The following PYGB variants were observed in gnomAD, a reference collection of about 807,000 sequenced individuals.
The protein encoded by PYGB is glycogen phosphorylase, brain form.
A neutral mutation model predicts 94.3 loss-of-function variants in PYGB; 82 were observed. That is an observed-to-expected ratio of 0.87 (90% CI 0.73 to 1.04). PYGB has a LOEUF of 1.04. Among genes scored for constraint, PYGB ranks in the 50% least tolerant of loss-of-function variants. PYGB has a pLI of 0.00. For synonymous variants in PYGB, 488 were observed against 479.1 expected (o/e 1.02, Z -0.24); for missense variants, 1,132 against 1,158.2 (o/e 0.98, Z 0.33).
chr20:25,274,961 C>T (rs1027523474), intron 5 of PYGB, among the ~76,000 whole-genome samples: 1 of 152,220 alleles, frequency 6.6e-6, no homozygotes, highest in Admixed American at 6.5e-5. Flanking sequence ...GGGGAAGCCC[C>T]GCTGGGCAGG....
rs144506519 is a variant in PYGB at position 25,248,182 on chromosome 20, G to A, written c.4G>A (p.Ala2Thr). ...TTCCTCCGCCTCCGCCGGCGCGATGGCGAAGCCGCTGACGGACAGCGAGAA... is the reference window on the plus strand; with the variant it reads ...TTCCTCCGCCTCCGCCGGCGCGATGACGAAGCCGCTGACGGACAGCGAGAA... The part of the protein sequence containing the change: M[A>T]KPLTDSEKRK... Residue 2 changes from alanine to threonine, a missense_variant, in exon 1 of 20, where the codon GCG becomes ACG. Coordinates refer to ENST00000216962, the MANE Select transcript of PYGB (RefSeq NM_002862.4). The A allele has an allele frequency of 1.3e-6, 2 of 1,590,998 alleles. No homozygotes were observed. Among genetic ancestry groups the A allele is most frequent in the African/African-American group, 1.4e-5 (1 of 72,992 alleles).
intron 10 of PYGB, 28 bp from the exon 11 acceptor site, chr20:25,280,921 C>CCCA (rs752532948): frequency 6.2e-7 from 1 of 1,610,540 alleles, no homozygotes; most frequent in East Asian, 2.2e-5. Flanking sequence ...CCTGTGCCCA[C>CCCA]CCACCTGCCT....
At position 25,290,926 on chromosome 20, in the gene PYGB, G is replaced by A. The variant is rs909954352; in HGVS notation, c.1969+304G>A. 3.9e-5 allele frequency among the ~76,000 whole-genome samples: 6 copies of A among 152,160 alleles called. No individual in the cohort carries two copies. The South Asian group carries it at 1.2e-3, about 32-fold the overall frequency. ...CCTCCCTCCCCTGCCCTCTCCTCCT[G>A]CCCCTCAGCCGTGCCTTCTGCCCTG... On this transcript the variant is annotated intron_variant, in intron 16 of 19. Transcript: ENST00000216962.
Position 25,290,468 on chromosome 20 carries a change from C to T in PYGB, c.1828-13C>T, listed in dbSNP as rs2088456286. On this transcript the variant is annotated splice_polypyrimidine_tract_variant and intron_variant, in intron 15 of 19. Coordinates refer to ENST00000216962, the MANE Select transcript of PYGB (RefSeq NM_002862.4). ...GCATTTTTGTGCTAAAAACCTTCAC[C>T]CTCTCCTTCCAGGCAGCGCCCGGTT... 2.5e-6 allele frequency: 4 copies of T among 1,600,796 alleles called. No homozygotes were observed. The highest frequency in any genetic ancestry group is 2.7e-5 in the African/African-American group (2 of 74,738).
chr20:25,283,652 A>T (rs1600737032), intron 13 of PYGB, among the ~76,000 whole-genome samples: 1 of 152,206 alleles, frequency 6.6e-6, no homozygotes, highest in Non-Finnish European at 1.5e-5. Context: ...AGCTGTCTGC[A>T]CCGGCAGCAG....
At position 25,296,533 on chromosome 20, in the gene PYGB, C is replaced by A. The variant is rs780792104; in HGVS notation, c.*11C>A. 20 of 1,604,810 alleles carry A rather than the reference C, an allele frequency of 1.2e-5. No individual in the cohort carries two copies. In the East Asian group the frequency reaches 4.5e-4, roughly 36 times the overall value. ...ATCCCCCGGGACTAGGCACACCCTG[C>A]CTTGGCGGGACCAGCGGGCATTTGT... On this transcript the variant is annotated 3_prime_UTR_variant, in exon 20 of 20. Coordinates refer to ENST00000216962, the MANE Select transcript of PYGB (RefSeq NM_002862.4).
At chr20:25,291,049 C>T (rs1320637601) in intron 16 of PYGB, among the ~76,000 whole-genome samples, 1 of 152,122 alleles carries the variant, frequency 6.6e-6, no homozygotes, top group Non-Finnish European at 1.5e-5. Context: ...GCCCTGGGCC[C>T]CTCTGCTGGC....
In PYGB at chr20:25,278,340, C is replaced by CGGCTGAAG. The variant is rs760902446; in HGVS notation, c.878_885dup (p.Gln296GlyfsTer2). 5 of 1,602,062 alleles carry CGGCTGAAG rather than the reference C, an allele frequency of 3.1e-6. No individual in the cohort carries two copies. Among genetic ancestry groups the CGGCTGAAG allele is most frequent in the Non-Finnish European group, 4.3e-6 (5 of 1,176,388 alleles). ...GCAGTTCTTTGAGGGGAAGGAGCTG[C>CGGCTGAAG]GGCTGAAGCAGGAGTACTTCGTGGT... On this transcript the variant is annotated frameshift_variant, in exon 8 of 20. Transcript: ENST00000216962. LOFTEE classifies it high-confidence loss of function.
chr20:25,262,223 C>T (rs187640339), intron 2 of PYGB, among the ~76,000 whole-genome samples: 123 of 152,276 alleles, frequency 8.1e-4, no homozygotes, highest in Non-Finnish European at 1.2e-3. Context: ...TAAGGGCAAC[C>T]AGAGAGAAAG....
chr20:25,288,225 T>G, intron 14 of PYGB, 200 bp from the exon 15 acceptor site: 3 of 706,096 alleles, frequency 4.2e-6, no homozygotes, highest in Non-Finnish European at 7.7e-6. Flanking sequence ...CTCACTCCCT[T>G]GTAAGTGGCA....
At chr20:25,278,547 G>A in intron 8 of PYGB, 85 bp downstream of exon 8, 2 of 1,540,864 alleles carry the variant, frequency 1.3e-6, no homozygotes, top group Non-Finnish European at 1.8e-6. Flanking sequence ...GTCCCAAAAG[G>A]GGCTAGAGTG....
rs1328897581 is a variant in PYGB at position 25,274,627 on chromosome 20, C to T, written c.564C>T (p.Asn188=). Residue 188 remains asparagine (N), a synonymous_variant, in exon 5 of 20, where the codon AAC becomes AAT. Coordinates refer to ENST00000216962, the MANE Select transcript of PYGB (RefSeq NM_002862.4). ...EEADDWLRYG[N]PWEKARPEYM... ...CCGATGACTGGCTGCGCTACGGCAA[C>T]CCCTGGGAGAAAGCGCGGCCTGAGT... is the stretch of plus-strand genomic sequence containing the variant. 3 of 1,613,816 alleles carry T rather than the reference C, an allele frequency of 1.9e-6. No homozygotes were observed. The highest frequency in any genetic ancestry group is 1.7e-6 in the Non-Finnish European group (2 of 1,180,028).
chr20:25,281,126 T>C lies in PYGB; in HGVS notation c.1403+14T>C. 6.2e-7 allele frequency: 1 copy of C among 1,613,704 alleles called. No individual in the cohort carries two copies. The highest frequency in any genetic ancestry group is 8.5e-7 in the Non-Finnish European group (1 of 1,179,726). ...GAAACAGTCGGTGTGAGTGGGGCGC[T>C]TGCCCGAGCGGGGCCAGCTCTGTCT... On this transcript the variant is annotated intron_variant, in intron 11 of 19. Transcript: ENST00000216962.
intron 1 of PYGB, among the ~76,000 whole-genome samples, chr20:25,256,131 T>A (rs2092902021): frequency 6.6e-6 from 1 of 152,114 alleles, no homozygotes; most frequent in African/African-American, 2.4e-5. Flanking sequence ...TAGTTAAAAA[T>A]CCCTTCAGAA....
chr20:25,274,645 G>C lies in PYGB; in HGVS notation c.582G>C (p.Arg194=). The change falls in exon 5 of 20, where the codon CGG becomes CGC. Residue 194 remains arginine (R), a synonymous_variant. Coordinates refer to ENST00000216962, the MANE Select transcript of PYGB (RefSeq NM_002862.4). ...ACGGCAACCCCTGGGAGAAAGCGCG[G>C]CCTGAGTATATGCTTCCCGTGCACT... ...LRYGNPWEKA[R]PEYMLPVHFY... The C allele has an allele frequency of 6.2e-7, 1 of 1,613,876 alleles. No homozygotes were observed. The highest frequency in any genetic ancestry group is 8.5e-7 in the Non-Finnish European group (1 of 1,180,030).
rs77507457 is a variant in PYGB at position 25,256,684 on chromosome 20, G to T, written c.244-2553G>T. ...TAAGGGATCGTGTTGGCATTTTCAG[G>T]CTGAAGCAGGTGAGTCCAGTTCTCC... On this transcript the variant is annotated intron_variant, in intron 1 of 19. Transcript: ENST00000216962. Among the ~76,000 whole-genome samples the T allele has an allele frequency of 7.0e-3, 1,070 of 152,268 alleles. 6 individuals carry two copies. The highest frequency in any genetic ancestry group is 0.02 in the Middle Eastern group (6 of 294).
At position 25,280,339 on chromosome 20, in the gene PYGB, C is replaced by CCGTGT; in HGVS notation, c.1168_1172dup (p.Met392CysfsTer14). 1.2e-6 allele frequency: 2 copies of CCGTGT among 1,614,104 alleles called. No homozygotes were observed. Among genetic ancestry groups the CCGTGT allele is most frequent in the Non-Finnish European group, 1.7e-6 (2 of 1,179,924 alleles). On this transcript the variant is annotated frameshift_variant, in exon 10 of 20. Coordinates refer to ENST00000216962, the MANE Select transcript of PYGB (RefSeq NM_002862.4). LOFTEE classifies it high-confidence loss of function. The stretch of plus-strand genomic sequence containing the variant: ...CTGCCTGAGGCCTTGGAGCGCTGGC[C>CCGTGT]CGTGTCCATGTTTGAGAAGCTGCTG...
intron 13 of PYGB, 87 bp from the exon 14 acceptor site, chr20:25,284,016 TC>T: frequency 6.6e-7 from 1 of 1,520,098 alleles, no homozygotes; most frequent in East Asian, 2.3e-5. Context: ...GCGGCACTCT[TC>T]ACAGGGCACT....
Position 25,296,498 on chromosome 20 carries a change from GC to G in PYGB, c.2514del (p.Asn839ThrfsTer61). The G allele has an allele frequency of 6.2e-7, 1 of 1,613,494 alleles. No homozygotes were observed. Among genetic ancestry groups the G allele is most frequent in the Non-Finnish European group, 8.5e-7 (1 of 1,179,876 alleles). On this transcript the variant is annotated frameshift_variant, in exon 20 of 20. Transcript: ENST00000216962. LOFTEE classifies it high-confidence loss of function. ...TGGAGCCCTCCGACCTGCAGATCCC[GC>G]CCCCCAACATCCCCCGGGACTAGGC... ...GVEPSDLQIP[P>X]PNIPRD
Sources: gnomAD v4.1 joint callset for allele counts (sites outside exome capture counted in the v4.1 genomes callset) on GRCh38, gnomAD v4.1.1 for gene constraint, MANE v1.5 for transcripts, NCBI Gene and HGNC (gene_info 2026-07-23, HGNC 2026-07-21) for gene names.